The following RSRC1 variants were observed in gnomAD, a reference collection of about 807,000 sequenced individuals.
RSRC1 encodes serine/Arginine-related protein 53.
A neutral mutation model predicts 49.1 loss-of-function variants in RSRC1; 39 were observed. The observed-to-expected ratio is 0.79, with a 90% CI of 0.61 to 1.04. The LOEUF (loss-of-function observed/expected upper bound fraction) is 1.04. Among genes scored for constraint, RSRC1 ranks in the 50% least tolerant of loss-of-function variants. The pLI is 0.00. For missense variants in RSRC1, 388 were observed against 402.4 expected (o/e 0.96, Z 0.31); for synonymous variants, 143 against 130.8 (o/e 1.09, Z -0.63).
intron 4 of RSRC1, among the ~76,000 whole-genome samples, chr3:158,285,149 G>A (rs1174325394): frequency 1.1e-4 from 17 of 152,136 alleles, no homozygotes; most frequent in East Asian, 5.8e-4. Context: ...ATTAAATAGG[G>A]AATCCTTTCC....
intron 2 of RSRC1, 75 bp from the exon 3 acceptor site, chr3:158,123,791 A>C: frequency 7.4e-7 from 1 of 1,352,706 alleles, no homozygotes; most frequent in Non-Finnish European, 1.0e-6. Context: ...GATTCTTTAG[A>C]ATCTAGAAGG....
intron 4 of RSRC1, among the ~76,000 whole-genome samples, chr3:158,207,447 C>CT (rs1369745115): frequency 2.0e-5 from 3 of 152,006 alleles, no homozygotes; most frequent in Admixed American, 6.6e-5. Context: ...CATTAGCTGT[C>CT]TTTTTTCCAG....
intron 6 of RSRC1, among the ~76,000 whole-genome samples, chr3:158,448,027 A>AT (rs1045745919): frequency 1.3e-4 from 20 of 151,706 alleles, no homozygotes; most frequent in Middle Eastern, 3.4e-3. Flanking sequence ...CTAAGATATG[A>AT]TTTTTTTTCA....
chr3:158,529,257 T>C (rs1019883262), intron 7 of RSRC1, among the ~76,000 whole-genome samples: 1 of 149,976 alleles, frequency 6.7e-6, no homozygotes, highest in Admixed American at 6.7e-5. Flanking sequence ...AGCTACACTG[T>C]ATTTTACTGA....
At chr3:158,409,766 GT>G (rs1251613136) in intron 6 of RSRC1, among the ~76,000 whole-genome samples, 2 of 152,126 alleles carry the variant, frequency 1.3e-5, no homozygotes, top group Non-Finnish European at 2.9e-5. Context: ...TTAATGATGA[GT>G]TGTGCTGTGA....
At chr3:158,376,869 A>G (rs1732406322) in intron 6 of RSRC1, among the ~76,000 whole-genome samples, 1 of 151,734 alleles carries the variant, frequency 6.6e-6, no homozygotes, top group Admixed American at 6.6e-5. Flanking sequence ...ATTTTTTTAG[A>G]CTTATTTTTG....
intron 3 of RSRC1, among the ~76,000 whole-genome samples, chr3:158,129,288 C>CTTTTTT (rs71144439): frequency 4.4e-4 from 31 of 71,062 alleles, no homozygotes; most frequent in East Asian, 9.7e-4. Context: ...TTCTTTCTTT[C>CTTTTTT]TTTTTTTTTT....
At position 158,395,987 on chromosome 3, in the gene RSRC1, T is replaced by C. The variant is rs552503600; in HGVS notation, c.583+41079T>C. Among the ~76,000 whole-genome samples, 4 of 152,256 alleles carry C rather than the reference T, an allele frequency of 2.6e-5. No individual in the cohort carries two copies. The East Asian group carries it at 5.8e-4, about 22-fold the overall frequency. On this transcript the variant is annotated intron_variant, in intron 6 of 9. Transcript: ENST00000611884. The stretch of plus-strand genomic sequence containing the variant: ...AAGAAGATGTGGTACATATACATCA[T>C]GGGATACTATGCAGCCATAAAAAAG...
intron 5 of RSRC1, among the ~76,000 whole-genome samples, chr3:158,341,767 G>C (rs939451942): frequency 7.2e-5 from 11 of 152,124 alleles, no homozygotes; most frequent in African/African-American, 2.7e-4. Context: ...CTTGAACCGT[G>C]TGCCTGGAAA....
At chr3:158,197,993 G>C (rs1207286598) in intron 3 of RSRC1, among the ~76,000 whole-genome samples, 1 of 152,138 alleles carries the variant, frequency 6.6e-6, no homozygotes, top group Admixed American at 6.5e-5. Context: ...GAGTTCTGTA[G>C]ATGTCTATTA....
Position 158,290,328 on chromosome 3 carries a change from AGTGG to A in RSRC1, c.495-7710_495-7707del, listed in dbSNP as rs557056827. Among the ~76,000 whole-genome samples the A allele has an allele frequency of 5.7e-3, 871 of 152,120 alleles. 8 individuals are homozygous for A. Among genetic ancestry groups the A allele is most frequent in the African/African-American group, 0.02 (821 of 41,510 alleles). The stretch of plus-strand genomic sequence containing the variant: ...TGCTCTGTCTCCCAGGCTGGAGTGC[AGTGG>A]CGCGATTTCGGCTCACTGCAAGCTC... On this transcript the variant is annotated intron_variant, in intron 4 of 9. Coordinates refer to ENST00000611884, the MANE Select transcript of RSRC1 (RefSeq NM_001271838.2).
chr3:158,483,366 T>C (rs1291084384), intron 7 of RSRC1, among the ~76,000 whole-genome samples: 2 of 152,080 alleles, frequency 1.3e-5, no homozygotes, highest in African/African-American at 4.8e-5. Context: ...GGTGTTTAAG[T>C]ATAAAGCAGA....
At chr3:158,416,146 C>T (rs959000348) in intron 6 of RSRC1, among the ~76,000 whole-genome samples, 10 of 151,668 alleles carry the variant, frequency 6.6e-5, no homozygotes, top group South Asian at 2.1e-4. Flanking sequence ...TTATATAAAT[C>T]GATTTCCTTC....
At chr3:158,369,140 A>G (rs1357118646) in intron 6 of RSRC1, among the ~76,000 whole-genome samples, 1 of 152,138 alleles carries the variant, frequency 6.6e-6, no homozygotes, top group Non-Finnish European at 1.5e-5. Context: ...TAAGTAATTT[A>G]TATACATTTT....
intron 6 of RSRC1, among the ~76,000 whole-genome samples, chr3:158,397,486 C>T (rs1488946123): frequency 6.6e-6 from 1 of 152,112 alleles, no homozygotes; most frequent in Non-Finnish European, 1.5e-5. Context: ...TTGCCAGTGA[C>T]TTAGCAGTAC....
At chr3:158,112,135 CTT>C (rs1714458000) in intron 1 of RSRC1, among the ~76,000 whole-genome samples, 1 of 152,192 alleles carries the variant, frequency 6.6e-6, no homozygotes, top group South Asian at 2.1e-4. Flanking sequence ...CATGTTGTCT[CTT>C]TCACCTACAG....
At chr3:158,409,855 C>T (rs893691655) in intron 6 of RSRC1, among the ~76,000 whole-genome samples, 5 of 152,006 alleles carry the variant, frequency 3.3e-5, no homozygotes, top group African/African-American at 1.2e-4. Context: ...TAAATCGGAT[C>T]CTATTAATCT....
chr3:158,517,839 G>A (rs1740660734), intron 7 of RSRC1, among the ~76,000 whole-genome samples: 1 of 134,416 alleles, frequency 7.4e-6, no homozygotes, highest in East Asian at 2.2e-4. Flanking sequence ...CGTGGACTCA[G>A]GCAGTCCTCC....
chr3:158,402,526 T>C (rs1377822293), intron 6 of RSRC1, among the ~76,000 whole-genome samples: 1 of 151,810 alleles, frequency 6.6e-6, no homozygotes, highest in East Asian at 1.9e-4. Flanking sequence ...GTATTATAGA[T>C]CTACTAAACC....
Sources: gnomAD v4.1 joint callset for allele counts (sites outside exome capture counted in the v4.1 genomes callset) on GRCh38, gnomAD v4.1.1 for gene constraint, MANE v1.5 for transcripts, NCBI Gene and HGNC (gene_info 2026-07-23, HGNC 2026-07-21) for gene names.